ADAMTS20: variants seen among roughly 807,000 people sequenced by gnomAD.
ADAMTS20 encodes ADAM metallopeptidase with thrombospondin type 1 motif 20, also known as A disintegrin and metalloproteinase with thrombospondin motifs 20.
ADAMTS20 carries 225 observed loss-of-function variants against 260.1 expected under a neutral mutation model. That is an observed-to-expected ratio of 0.87 (90% CI 0.78 to 0.97). The LOEUF is 0.97. Ranked by LOEUF, ADAMTS20 falls within the 50% of genes least tolerant of loss-of-function variation. The pLI is 0.00. For synonymous variants in ADAMTS20, 802 were observed against 769.5 expected, an observed-to-expected ratio of 1.04 and a Z score of -0.70; for missense variants, 2,400 against 2,337.7, an observed-to-expected ratio of 1.03 and a Z score of -0.55.
intron 33 of ADAMTS20, 42 bp from the exon 34 acceptor site, chr12:43,376,372 C>T: frequency 6.8e-7 from 1 of 1,478,728 alleles, no homozygotes; most frequent in East Asian, 2.5e-5. Flanking sequence ...GAGCAAATTA[C>T]AAACACAGCA....
At chr12:43,425,437 G>GA (rs975788788) in intron 28 of ADAMTS20, 77 bp downstream of exon 28, 1 of 1,240,734 alleles carries the variant, frequency 8.1e-7, no homozygotes. Context: ...TCGAAGAAAA[G>GA]AAAAACAATG....
chr12:43,526,406 C>T (rs957324323), intron 3 of ADAMTS20, among the ~76,000 whole-genome samples: 1 of 151,934 alleles, frequency 6.6e-6, no homozygotes, highest in Non-Finnish European at 1.5e-5. Context: ...TGTGGTGAGC[C>T]GAGATCGTGC....
At chr12:43,461,044 G>T (rs1218821847) in intron 11 of ADAMTS20, among the ~76,000 whole-genome samples, 8 of 125,216 alleles carry the variant, frequency 6.4e-5, no homozygotes, top group Non-Finnish European at 1.3e-4. Flanking sequence ...CCCTAGTAGT[G>T]CAAAGGCGTG....
intron 7 of ADAMTS20, 91 bp from the exon 8 acceptor site, chr12:43,468,796 T>C: frequency 1.4e-6 from 1 of 713,656 alleles, no homozygotes; most frequent in Admixed American, 3.1e-5. Context: ...CCATTGATGT[T>C]ATTACTTAGA....
intron 7 of ADAMTS20, among the ~76,000 whole-genome samples, chr12:43,470,335 C>T (rs2137390882): frequency 6.6e-6 from 1 of 152,278 alleles, no homozygotes; most frequent in South Asian, 2.1e-4. Context: ...GAGTCCATTA[C>T]CAACCAAACT....
intron 29 of ADAMTS20, among the ~76,000 whole-genome samples, chr12:43,388,728 A>G (rs1940536118): frequency 6.6e-6 from 1 of 152,198 alleles, no homozygotes; most frequent in Non-Finnish European, 1.5e-5. Context: ...GGTGCTGCCT[A>G]TAGTTAGTGA....
chr12:43,543,479 A>G (rs973001761), intron 2 of ADAMTS20, among the ~76,000 whole-genome samples: 12 of 152,286 alleles, frequency 7.9e-5, no homozygotes, highest in Admixed American at 3.9e-4. Flanking sequence ...CATGCTGGTC[A>G]TGCTGTATAC....
At chr12:43,500,533 A>C (rs1942743497) in intron 4 of ADAMTS20, among the ~76,000 whole-genome samples, 1 of 152,220 alleles carries the variant, frequency 6.6e-6, no homozygotes, top group Non-Finnish European at 1.5e-5. Context: ...AGGTAATTTT[A>C]CTTCAAATTC....
At chr12:43,475,432 T>C (rs372553030) in intron 7 of ADAMTS20, among the ~76,000 whole-genome samples, 11,538 of 134,830 alleles carry the variant, frequency 0.086, 428 homozygotes, top group Admixed American at 0.15. Flanking sequence ...AATTTACAGA[T>C]TCAATGCCAT....
Position 43,386,052 on chromosome 12 carries a change from CTATT to C in ADAMTS20, c.4453-2079_4453-2076del, listed in dbSNP as rs201841718. The stretch of plus-strand genomic sequence containing the variant: ...ATTTGATTCTTCTCTCTTTTCTTCT[CTATT>C]AGTCTGGCTAGCGGTCTACCTATTT... On this transcript the variant is annotated intron_variant, in intron 29 of 38. Transcript: ENST00000389420. 1.8e-4 allele frequency among the ~76,000 whole-genome samples: 28 copies of C among 152,094 alleles called. No homozygotes were observed. The East Asian group carries it at 5.4e-3, about 29-fold the overall frequency.
chr12:43,366,396 T>C (rs1339977132), intron 37 of ADAMTS20, among the ~76,000 whole-genome samples: 1 of 151,040 alleles, frequency 6.6e-6, no homozygotes, highest in African/African-American at 2.4e-5. Flanking sequence ...AGTTGCAGAG[T>C]TTCAGCAGAT....
chr12:43,506,518 C>A (rs544964991), intron 3 of ADAMTS20, among the ~76,000 whole-genome samples: 39 of 151,818 alleles, frequency 2.6e-4, no homozygotes, highest in African/African-American at 8.2e-4. Flanking sequence ...AGTCTCGCCT[C>A]AGGCTGGATG....
In ADAMTS20 at chr12:43,377,469, GC is replaced by G; in HGVS notation, c.4890del (p.Pro1631LeufsTer2). On this transcript the variant is annotated frameshift_variant, in exon 32 of 39. Coordinates refer to ENST00000389420, the MANE Select transcript of ADAMTS20 (RefSeq NM_025003.5). LOFTEE classifies it high-confidence loss of function. Reference sequence around the variant, plus strand: ...ACAGGGCATTCTTGATAAACTATAGGCCGAAGTCGATGGAGCTTATGTTTCT... The same window carrying G: ...ACAGGGCATTCTTGATAAACTATAGGCGAAGTCGATGGAGCTTATGTTTCT... ...STKKHKLHRL[R>X]PIVYQECPVV... The G allele has an allele frequency of 6.2e-7, 1 of 1,613,624 alleles. No homozygotes were observed. Among genetic ancestry groups the G allele is most frequent in the Non-Finnish European group, 8.5e-7 (1 of 1,179,728 alleles).
chr12:43,464,551 G>A, intron 10 of ADAMTS20, 40 bp downstream of exon 10: 1 of 1,595,798 alleles, frequency 6.3e-7, no homozygotes, highest in Non-Finnish European at 8.5e-7. Context: ...ATAACTTTAT[G>A]GCAGTTTTCG....
chr12:43,514,292 G>A (rs2137468613), intron 3 of ADAMTS20, among the ~76,000 whole-genome samples: 1 of 151,622 alleles, frequency 6.6e-6, no homozygotes, highest in Non-Finnish European at 1.5e-5. Flanking sequence ...CGGCCAGGCA[G>A]GATGGCTCAC....
At chr12:43,544,215 G>A (rs931958659) in intron 2 of ADAMTS20, among the ~76,000 whole-genome samples, 1 of 152,188 alleles carries the variant, frequency 6.6e-6, no homozygotes, top group African/African-American at 2.4e-5. Flanking sequence ...ATTAACTTAG[G>A]TATCATCGGA....
chr12:43,525,744 T>A (rs555225109), intron 3 of ADAMTS20, among the ~76,000 whole-genome samples: 1 of 152,242 alleles, frequency 6.6e-6, no homozygotes, highest in African/African-American at 2.4e-5. Flanking sequence ...TAAAACAGAC[T>A]TTAAAGCAGC....
At chr12:43,405,208 C>G (rs920360216) in intron 28 of ADAMTS20, among the ~76,000 whole-genome samples, 2 of 54,344 alleles carry the variant, frequency 3.7e-5, no homozygotes, top group Admixed American at 5.9e-4. Flanking sequence ...AGCCTGGTAA[C>G]AAAATGAGAC....
chr12:43,462,974 G>A lies in ADAMTS20; in HGVS notation c.1535C>T (p.Thr512Ile). Residue 512 changes from threonine to isoleucine, a missense_variant, in exon 11 of 39, where the codon ACA becomes ATA. Physicochemically the swap from Thr to Ile is moderately conservative, Grantham distance 89. Transcript: ENST00000389420. ...GCCTTTGTGAAGCTTTTCTGTGCTT[G>A]TGCACCACAGATGCATGCATATATT... ...HINICMHLWC[T>I]STEKLHKGCF... 6.2e-7 allele frequency: 1 copy of A among 1,606,658 alleles called. No homozygotes were observed. Among genetic ancestry groups the A allele is most frequent in the Non-Finnish European group, 8.5e-7 (1 of 1,176,242 alleles).
Sources: gnomAD v4.1 joint callset for allele counts (sites outside exome capture counted in the v4.1 genomes callset) on GRCh38, gnomAD v4.1.1 for gene constraint, MANE v1.5 for transcripts, NCBI Gene and HGNC (gene_info 2026-07-23, HGNC 2026-07-21) for gene names.